GNB1: variants seen among roughly 807,000 people sequenced by gnomAD.
The protein encoded by GNB1 is guanine nucleotide-binding protein G(I)/G(S)/G(T) subunit beta-1.
Under a neutral mutation model 42.9 loss-of-function variants are expected in GNB1, and 2 were observed. That is an observed-to-expected ratio of 0.05 (90% CI 0.02 to 0.15). The LOEUF is 0.15. GNB1 is among the 10% of genes least tolerant of loss of function. The pLI, the probability that GNB1 is intolerant of heterozygous loss-of-function variation, is 1.00. For missense variants in GNB1, 193 were observed against 462.2 expected, an observed-to-expected ratio of 0.42 and a Z score of 5.34; for synonymous variants, 183 against 174.7, an observed-to-expected ratio of 1.05 and a Z score of -0.38.
At chr1:1,852,624 G>A (rs1447150344) in intron 1 of GNB1, among the ~76,000 whole-genome samples, 4 of 151,782 alleles carry the variant, frequency 2.6e-5, no homozygotes, top group African/African-American at 7.3e-5. Flanking sequence ...GAGCCCAGGA[G>A]TTGAAGGCAG....
intron 6 of GNB1, among the ~76,000 whole-genome samples, chr1:1,805,256 C>T (rs1646681457): frequency 2.0e-5 from 3 of 151,964 alleles, no homozygotes; most frequent in South Asian, 2.1e-4. Context: ...GTCAGGAATT[C>T]GAGACCAGCC....
At chr1:1,816,265 T>C (rs1646853933) in intron 4 of GNB1, among the ~76,000 whole-genome samples, 1 of 152,182 alleles carries the variant, frequency 6.6e-6, no homozygotes, top group Non-Finnish European at 1.5e-5. Flanking sequence ...AATAGCTGGT[T>C]CCTATGTCAG....
chr1:1,884,347 A>T (rs1029583884), intron 1 of GNB1, among the ~76,000 whole-genome samples: 1 of 151,564 alleles, frequency 6.6e-6, no homozygotes, highest in South Asian at 2.1e-4. Flanking sequence ...AAAGTGCTGG[A>T]ATTACAGGCG....
intron 1 of GNB1, among the ~76,000 whole-genome samples, chr1:1,857,815 T>A (rs1240339429): frequency 1.3e-5 from 2 of 152,136 alleles, no homozygotes; most frequent in African/African-American, 4.8e-5. Context: ...AACTTAATCC[T>A]GTAACAAAGT....
chr1:1,851,033 G>A (rs1291795119), intron 1 of GNB1, among the ~76,000 whole-genome samples: 1 of 152,202 alleles, frequency 6.6e-6, no homozygotes, highest in Non-Finnish European at 1.5e-5. Context: ...ACTTTGGGAG[G>A]CCAAGGCGGG....
intron 1 of GNB1, among the ~76,000 whole-genome samples, chr1:1,869,696 A>T (rs892916315): frequency 6.6e-6 from 1 of 152,084 alleles, no homozygotes; most frequent in Admixed American, 6.6e-5. Context: ...CTACCCTCAA[A>T]CTGCCCTCCC....
intron 1 of GNB1, among the ~76,000 whole-genome samples, chr1:1,845,528 G>A (rs576034421): frequency 7.8e-4 from 119 of 152,072 alleles, no homozygotes; most frequent in Non-Finnish European, 1.4e-3. Context: ...AGCCGAGATC[G>A]TGCCACTGCA....
At chr1:1,861,735 CA>C (rs1648641311) in intron 1 of GNB1, among the ~76,000 whole-genome samples, 1 of 151,998 alleles carries the variant, frequency 6.6e-6, no homozygotes, top group South Asian at 2.1e-4. Context: ...AGTTAGAGCT[CA>C]AACTGGACCC....
intron 3 of GNB1, among the ~76,000 whole-genome samples, chr1:1,824,421 C>G (rs927959525): frequency 6.6e-6 from 1 of 152,138 alleles, no homozygotes; most frequent in South Asian, 2.1e-4. Context: ...AGCCTGGGCA[C>G]AACAGAGTGA....
intron 1 of GNB1, among the ~76,000 whole-genome samples, chr1:1,875,649 C>T (rs926940159): frequency 1.3e-5 from 2 of 152,198 alleles, no homozygotes. Context: ...GCTGAGCTTA[C>T]AGGAGTGAGC....
intron 1 of GNB1, among the ~76,000 whole-genome samples, chr1:1,877,243 T>C (rs1251458652): frequency 6.8e-6 from 1 of 147,542 alleles, no homozygotes; most frequent in Non-Finnish European, 1.5e-5. Flanking sequence ...GAGGTTTCAA[T>C]GAGCCGAGAT....
Position 1,794,731 on chromosome 1 carries a change from G to A in GNB1, c.431-1420C>T, listed in dbSNP as rs144399597. 1.5e-4 allele frequency among the ~76,000 whole-genome samples: 23 copies of A among 152,176 alleles called. No individual in the cohort carries two copies. In the East Asian group the frequency reaches 3.3e-3, roughly 22 times the overall value. ...TTTTGAGACAGAGTCTCGTGCTGTC[G>A]CCAGGCTGGAGTGCAGTGATGTGAT... On this transcript the variant is annotated intron_variant, in intron 7 of 11. Transcript: ENST00000378609.
chr1:1,804,814 A>G (rs1646674322), intron 6 of GNB1, among the ~76,000 whole-genome samples: 1 of 152,230 alleles, frequency 6.6e-6, no homozygotes, highest in Non-Finnish European at 1.5e-5. Context: ...GTTTTACTGA[A>G]GTCACAACTT....
chr1:1,878,476 A>C lies in GNB1; in HGVS notation c.-96+12344T>G, dbSNP rs140651046. ...CCTGCCTGGAACCCTCTTTTCCCAG[A>C]TGTCTGTCTGGTTTGTCTTCTCACC... On this transcript the variant is annotated intron_variant, in intron 1 of 11. Transcript: ENST00000378609. 5.7e-3 allele frequency among the ~76,000 whole-genome samples: 872 copies of C among 152,116 alleles called. 11 individuals carry two copies. Among genetic ancestry groups the C allele is most frequent in the African/African-American group, 0.02 (834 of 41,488 alleles).
At chr1:1,879,725 GAA>G (rs1458251986) in intron 1 of GNB1, among the ~76,000 whole-genome samples, 2 of 148,124 alleles carry the variant, frequency 1.4e-5, no homozygotes, top group Non-Finnish European at 3.0e-5. Context: ...AAAAAAAAAA[GAA>G]TAACTATTTT....
At chr1:1,811,697 A>G (rs933653962) in intron 5 of GNB1, among the ~76,000 whole-genome samples, 5 of 151,874 alleles carry the variant, frequency 3.3e-5, no homozygotes, top group African/African-American at 1.2e-4. Flanking sequence ...CCGTCTCAAA[A>G]AAACAGAAAG....
chr1:1,789,676 C>A (rs1646455726), intron 9 of GNB1, among the ~76,000 whole-genome samples: 1 of 92,976 alleles, frequency 1.1e-5, no homozygotes, highest in African/African-American at 4.2e-5. Flanking sequence ...GCCTGGGCAA[C>A]AAGAGCAAAA....
Position 1,790,280 on chromosome 1 carries a change from G to A in GNB1, c.699+115C>T. On this transcript the variant is annotated intron_variant, in intron 9 of 11. Coordinates refer to ENST00000378609, the MANE Select transcript of GNB1 (RefSeq NM_002074.5). The surrounding 1 kb of genome is among the most constrained non-coding windows in gnomAD (Gnocchi z 5.4). ...TTCTGTATCCCCATCTGTACATGAG[G>A]TTGTATAAGGATCAGAAAGGAGAAC... 1.4e-6 allele frequency: 1 copy of A among 716,900 alleles called. No individual in the cohort carries two copies. The highest frequency in any genetic ancestry group is 1.7e-5 in the South Asian group (1 of 59,804). 44.4% of individuals were successfully genotyped at this position (716,900 alleles called of 1,614,324 possible).
chr1:1,864,248 G>A lies in GNB1; in HGVS notation c.-95-25010C>T, dbSNP rs1309946363. On this transcript the variant is annotated intron_variant, in intron 1 of 11. Transcript: ENST00000378609. ...TGAGGCAGAGAGTTGCTTGGGAGGC[G>A]GAGGTTGCAGTGTGCCAAGATCGTG... 4.9e-5 allele frequency among the ~76,000 whole-genome samples: 7 copies of A among 142,870 alleles called. No homozygotes were observed. In the South Asian group the frequency reaches 6.9e-4, roughly 14 times the overall value. 93.7% of individuals were successfully genotyped at this position (142,870 alleles called of 152,430 possible).
Sources: gnomAD v4.1 joint callset for allele counts (sites outside exome capture counted in the v4.1 genomes callset) on GRCh38, gnomAD v4.1.1 for gene constraint, Gnocchi (gnomAD v3.1) non-coding constraint, MANE v1.5 for transcripts, NCBI Gene and HGNC (gene_info 2026-07-23, HGNC 2026-07-21) for gene names.